ADAMTSL3: variants seen among roughly 807,000 people sequenced by gnomAD.
ADAMTSL3 encodes the protein ADAMTS like 3.
In ADAMTSL3, 128 loss-of-function variants were observed where a neutral mutation model predicts 201.7. The ratio of observed to expected loss-of-function variants is 0.63; its 90% CI spans 0.55 to 0.73. ADAMTSL3 has a LOEUF of 0.73. Among genes scored for constraint, ADAMTSL3 ranks in the 30% least tolerant of loss-of-function variants. The pLI is 0.00. For synonymous variants in ADAMTSL3, 738 were observed against 748.4 expected (o/e 0.99, Z 0.23); for missense variants, 1,990 against 2,119.6 (o/e 0.94, Z 1.20).
chr15:83,856,433 T>G (rs1265469069), intron 7 of ADAMTSL3, among the ~76,000 whole-genome samples: 1 of 152,068 alleles, frequency 6.6e-6, no homozygotes, highest in Non-Finnish European at 1.5e-5. Context: ...TGCCTTGGCC[T>G]CCCAAACTGC....
At chr15:83,754,524 A>G (rs1286350195) in intron 3 of ADAMTSL3, among the ~76,000 whole-genome samples, 1 of 152,202 alleles carries the variant, frequency 6.6e-6, no homozygotes, top group African/African-American at 2.4e-5. Context: ...GTTGTTTTAA[A>G]AATCCAGCAG....
chr15:83,946,377 C>T (rs978558503), intron 19 of ADAMTSL3, among the ~76,000 whole-genome samples: 11 of 152,220 alleles, frequency 7.2e-5, no homozygotes, highest in African/African-American at 1.9e-4. Flanking sequence ...AATCCTTGGT[C>T]CAACTGTGAG....
chr15:83,669,878 A>C (rs1318792136), intron 2 of ADAMTSL3, among the ~76,000 whole-genome samples: 1 of 152,102 alleles, frequency 6.6e-6, no homozygotes, highest in African/African-American at 2.4e-5. Context: ...CACAACCCTC[A>C]TAAATGAAAT....
intron 2 of ADAMTSL3, among the ~76,000 whole-genome samples, chr15:83,674,788 T>TATATATATATATATATATATATA (rs1555428965): frequency 7.2e-6 from 1 of 138,822 alleles, no homozygotes; most frequent in Non-Finnish European, 1.6e-5. Context: ...TATATATATA[T>TATATATATATATATATATATATA]AAATCTTGCT....
Position 83,891,563 on chromosome 15 carries a change from T to C in ADAMTSL3, c.1262+184T>C, listed in dbSNP as rs2141889496. Among the ~76,000 whole-genome samples, 2 of 152,332 alleles carry C rather than the reference T, an allele frequency of 1.3e-5. 1 individual carries two copies. Among genetic ancestry groups the C allele is most frequent in the South Asian group, 4.1e-4 (2 of 4,830 alleles). On this transcript the variant is annotated intron_variant, in intron 12 of 29. Coordinates refer to ENST00000286744, the MANE Select transcript of ADAMTSL3 (RefSeq NM_207517.3). ...TAAGAATTAGATGGAATAGACTGCC[T>C]CAAAAGATGATGTTTCCCATCGCTA...
intron 4 of ADAMTSL3, among the ~76,000 whole-genome samples, chr15:83,792,224 G>C (rs2063355566): frequency 6.6e-6 from 1 of 152,148 alleles, no homozygotes; most frequent in Non-Finnish European, 1.5e-5. Flanking sequence ...TTTCTTAAAA[G>C]ATATACATAG....
At chr15:83,966,880 C>T (rs747579802) in intron 19 of ADAMTSL3, among the ~76,000 whole-genome samples, 9 of 152,096 alleles carry the variant, frequency 5.9e-5, no homozygotes, top group African/African-American at 1.9e-4. Context: ...GTTCAACATA[C>T]GAAAATCAAT....
At chr15:83,824,674 CT>C (rs1385003346) in intron 6 of ADAMTSL3, among the ~76,000 whole-genome samples, 1 of 152,120 alleles carries the variant, frequency 6.6e-6, no homozygotes, top group Non-Finnish European at 1.5e-5. Flanking sequence ...AACCATGGAT[CT>C]TTTTACTGTC....
intron 2 of ADAMTSL3, among the ~76,000 whole-genome samples, chr15:83,675,479 G>GGTCAT (rs1381961012): frequency 6.6e-6 from 1 of 151,716 alleles, no homozygotes; most frequent in African/African-American, 2.4e-5. Flanking sequence ...AACTCCACTT[G>GGTCAT]GTCATGGCCT....
chr15:83,869,718 A>C (rs1420520256), intron 8 of ADAMTSL3, among the ~76,000 whole-genome samples: 1 of 152,190 alleles, frequency 6.6e-6, no homozygotes, highest in East Asian at 1.9e-4. Flanking sequence ...TTTGACACTC[A>C]ACGGAGTTTT....
intron 2 of ADAMTSL3, among the ~76,000 whole-genome samples, chr15:83,699,379 C>T (rs1403869123): frequency 6.6e-6 from 1 of 152,162 alleles, no homozygotes; most frequent in Non-Finnish European, 1.5e-5. Flanking sequence ...ACCCAGAAGT[C>T]ACCCTTGATT....
intron 8 of ADAMTSL3, among the ~76,000 whole-genome samples, chr15:83,868,718 C>T (rs749515853): frequency 2.1e-4 from 32 of 152,232 alleles, no homozygotes; most frequent in Admixed American, 1.2e-3. Context: ...TTACAATAAG[C>T]GTACCATTTA....
intron 2 of ADAMTSL3, among the ~76,000 whole-genome samples, chr15:83,702,871 C>T (rs1396854613): frequency 2.8e-4 from 42 of 152,154 alleles, no homozygotes; most frequent in Non-Finnish European, 4.7e-4. Flanking sequence ...GGCTACTGTC[C>T]TCCAGACCCC....
At chr15:83,920,932 T>C (rs1307232101) in intron 16 of ADAMTSL3, among the ~76,000 whole-genome samples, 1 of 152,200 alleles carries the variant, frequency 6.6e-6, no homozygotes. Flanking sequence ...TATTTTCAAG[T>C]TTCCCCCCAC....
chr15:83,825,632 T>G (rs956789101), intron 6 of ADAMTSL3, among the ~76,000 whole-genome samples: 1 of 151,942 alleles, frequency 6.6e-6, no homozygotes, highest in African/African-American at 2.4e-5. Context: ...AATAAAAATA[T>G]AAATAAATAA....
intron 13 of ADAMTSL3, among the ~76,000 whole-genome samples, chr15:83,895,537 T>C (rs2065594849): frequency 6.6e-6 from 1 of 152,190 alleles, no homozygotes; most frequent in Non-Finnish European, 1.5e-5. Flanking sequence ...TCAAATATAT[T>C]CTCAGTGATG....
chr15:83,924,671 C>T (rs1490689044), intron 17 of ADAMTSL3, among the ~76,000 whole-genome samples: 4 of 152,184 alleles, frequency 2.6e-5, no homozygotes, highest in Non-Finnish European at 5.9e-5. Context: ...AGAGAAGTAG[C>T]TTGTTCTCAT....
chr15:83,868,953 C>G (rs752364060), intron 8 of ADAMTSL3, among the ~76,000 whole-genome samples: 11 of 152,100 alleles, frequency 7.2e-5, no homozygotes, highest in East Asian at 1.9e-4. Context: ...GATCACCTTC[C>G]CAGATTTTTA....
intron 6 of ADAMTSL3, among the ~76,000 whole-genome samples, chr15:83,830,973 G>C (rs1029039876): frequency 6.6e-6 from 1 of 152,154 alleles, no homozygotes; most frequent in African/African-American, 2.4e-5. Context: ...GGGTGGGTGG[G>C]TGGAGTATTG....
Sources: gnomAD v4.1 joint callset for allele counts (sites outside exome capture counted in the v4.1 genomes callset) on GRCh38, gnomAD v4.1.1 for gene constraint, MANE v1.5 for transcripts, NCBI Gene and HGNC (gene_info 2026-07-23, HGNC 2026-07-21) for gene names.